MAP3K13: variants seen among roughly 807,000 people sequenced by gnomAD.
MAP3K13 encodes mitogen-activated protein kinase kinase kinase 13, also known as leucine zipper-bearing kinase.
Under a neutral mutation model 104.0 loss-of-function variants are expected in MAP3K13, and 52 were observed. That is an observed-to-expected ratio of 0.50 (90% CI 0.40 to 0.63). MAP3K13 has a LOEUF of 0.63. Ranked by LOEUF, MAP3K13 falls within the 20% of genes least tolerant of loss-of-function variation. MAP3K13 has a pLI of 0.00. For missense variants in MAP3K13, 914 were observed against 1,218.5 expected, an observed-to-expected ratio of 0.75 and a Z score of 3.72; for synonymous variants, 394 against 442.2, an observed-to-expected ratio of 0.89 and a Z score of 1.37.
At chr3:185,402,100 A>G (rs898611996) in intron 1 of MAP3K13, among the ~76,000 whole-genome samples, 2 of 152,174 alleles carry the variant, frequency 1.3e-5, no homozygotes, top group Non-Finnish European at 2.9e-5. Flanking sequence ...TCTCCCTACT[A>G]TAAGTGTTGC....
chr3:185,469,869 T>A (rs1717676100), intron 10 of MAP3K13, among the ~76,000 whole-genome samples: 1 of 152,134 alleles, frequency 6.6e-6, no homozygotes, highest in South Asian at 2.1e-4. Context: ...TAGGAGAGAC[T>A]TTTTGTCTGG....
intron 7 of MAP3K13, 55 bp from the exon 8 acceptor site, chr3:185,463,495 A>G (rs1405201435): frequency 1.0e-6 from 1 of 994,936 alleles, no homozygotes; most frequent in Non-Finnish European, 1.6e-6. Context: ...CTTTATGGAT[A>G]TATCAGGGAT....
chr3:185,378,137 T>G (rs1724528116), intron 1 of MAP3K13, among the ~76,000 whole-genome samples: 1 of 152,240 alleles, frequency 6.6e-6, no homozygotes. Context: ...CATTGCTACT[T>G]GGCTGCCTCT....
chr3:185,467,874 G>T (rs1717544938), intron 10 of MAP3K13, among the ~76,000 whole-genome samples: 1 of 151,810 alleles, frequency 6.6e-6, no homozygotes, highest in African/African-American at 2.4e-5. Context: ...TACACAGGAA[G>T]CATGACAGCT....
At chr3:185,477,278 C>A in intron 11 of MAP3K13, 48 bp from the exon 12 acceptor site, 1 of 1,200,776 alleles carries the variant, frequency 8.3e-7, no homozygotes, top group Non-Finnish European at 1.2e-6. Flanking sequence ...GTGAGAGAGA[C>A]AGAGTGACAC....
chr3:185,419,090 C>G (rs1713977864), intron 1 of MAP3K13, among the ~76,000 whole-genome samples: 1 of 151,058 alleles, frequency 6.6e-6, no homozygotes, highest in Non-Finnish European at 1.5e-5. Context: ...GATCTTGGCT[C>G]ACTGCAACCT....
At chr3:185,293,586 A>G (rs1258100639) in intron 2 of MAP3K13, among the ~76,000 whole-genome samples, 1 of 150,414 alleles carries the variant, frequency 6.6e-6, no homozygotes, top group African/African-American at 2.4e-5. Flanking sequence ...CACCACACCC[A>G]GCTAATTTTT....
intron 2 of MAP3K13, among the ~76,000 whole-genome samples, chr3:185,311,412 C>G (rs1047874254): frequency 1.1e-4 from 17 of 152,110 alleles, no homozygotes; most frequent in Non-Finnish European, 1.5e-4. Flanking sequence ...TGGGAAAGAC[C>G]AGCCCCCATG....
chr3:185,356,144 C>T (rs528178608), intron 2 of MAP3K13, among the ~76,000 whole-genome samples: 1 of 140,912 alleles, frequency 7.1e-6, no homozygotes, highest in Non-Finnish European at 1.6e-5. Flanking sequence ...TTGATGGTGA[C>T]AAAGATAATA....
At chr3:185,330,633 A>G (rs985773476) in intron 2 of MAP3K13, among the ~76,000 whole-genome samples, 20 of 152,104 alleles carry the variant, frequency 1.3e-4, no homozygotes, top group African/African-American at 4.6e-4. Flanking sequence ...CTAGGGAAGC[A>G]GCTATTTTTC....
At chr3:185,285,398 A>G in intron 1 of MAP3K13, 3 of 419,222 alleles carry the variant, frequency 7.2e-6, no homozygotes, top group Non-Finnish European at 1.3e-5. Flanking sequence ...CTGCTGTTCA[A>G]TGTGATGTCC....
At chr3:185,326,598 G>A (rs1722047335) in intron 2 of MAP3K13, among the ~76,000 whole-genome samples, 1 of 152,068 alleles carries the variant, frequency 6.6e-6, no homozygotes, top group Non-Finnish European at 1.5e-5. Flanking sequence ...TTTTACAGAT[G>A]AGTCAGCTGA....
At chr3:185,326,716 A>G (rs1392837093) in intron 2 of MAP3K13, among the ~76,000 whole-genome samples, 1 of 147,314 alleles carries the variant, frequency 6.8e-6, no homozygotes, top group Non-Finnish European at 1.5e-5. Flanking sequence ...CACAGGAAAG[A>G]AAAAAAAAAA....
At chr3:185,360,613 T>C (rs1205689483), upstream of MAP3K13, among the ~76,000 whole-genome samples, 1 of 152,170 alleles carries the variant, frequency 6.6e-6, no homozygotes, top group African/African-American at 2.4e-5. Flanking sequence ...GTTTATCATC[T>C]TACTGAAGTG....
At chr3:185,351,157 A>G (rs1468024033) in intron 2 of MAP3K13, among the ~76,000 whole-genome samples, 1 of 152,188 alleles carries the variant, frequency 6.6e-6, no homozygotes, top group Non-Finnish European at 1.5e-5. Context: ...GGAGCTAAAC[A>G]TTGAGTACAC....
At chr3:185,467,697 C>G (rs1456026427) in intron 10 of MAP3K13, among the ~76,000 whole-genome samples, 1 of 150,744 alleles carries the variant, frequency 6.6e-6, no homozygotes, top group Admixed American at 6.6e-5. Context: ...ACAGGAGAAT[C>G]ACTTGAACCA....
At chr3:185,361,915 C>A (rs1484896452), upstream of MAP3K13, among the ~76,000 whole-genome samples, 2 of 152,202 alleles carry the variant, frequency 1.3e-5, no homozygotes, top group Admixed American at 6.5e-5. Context: ...CACTGAATAT[C>A]TTTGCTGTGT....
chr3:185,312,656 T>C (rs1721535245), intron 2 of MAP3K13, among the ~76,000 whole-genome samples: 1 of 152,206 alleles, frequency 6.6e-6, no homozygotes, highest in Non-Finnish European at 1.5e-5. Context: ...TGTGGAAATA[T>C]AGTATGCTGA....
chr3:185,418,565 C>A lies in MAP3K13; in HGVS notation c.-85-9932C>A. On this transcript the variant is annotated intron_variant, in intron 1 of 13. Coordinates refer to ENST00000265026, the MANE Select transcript of MAP3K13 (RefSeq NM_004721.5). This position sits in a 1 kb window ranked among gnomAD's most constrained non-coding sequence, Gnocchi z 4.5. ...CGAACTCTGGGAATTCGAGCCATAG[C>A]TCTGCCAGTACCCCAAGACTCAGCA... 2.5e-6 allele frequency: 4 copies of A among 1,612,340 alleles called. No individual in the cohort carries two copies. In the South Asian group the frequency reaches 4.4e-5, roughly 18 times the overall value.
Sources: allele counts gnomAD v4.1 joint callset (sites outside exome capture counted in the v4.1 genomes callset), GRCh38; gene constraint gnomAD v4.1.1; non-coding constraint Gnocchi (gnomAD v3.1); transcripts MANE v1.5; gene names NCBI Gene and HGNC (gene_info 2026-07-23, HGNC 2026-07-21).